The following INVS variants were observed in gnomAD, a reference collection of about 807,000 sequenced individuals.
INVS encodes inversion of embryo turning homolog.
INVS carries 86 observed loss-of-function variants against 108.8 expected under a neutral mutation model. That is an observed-to-expected ratio of 0.79 (90% confidence interval 0.66 to 0.95). The LOEUF (loss-of-function observed/expected upper bound fraction) is 0.95, where lower values mean the gene tolerates loss of function less well. INVS is among the 40% of genes least tolerant of loss of function. The probability of loss-of-function intolerance (pLI) is 0.00; values close to 1 mark genes in which losing one functional copy is unlikely to be tolerated. For missense variants in INVS, 1,169 were observed against 1,297.4 expected, an observed-to-expected ratio of 0.90 and a Z score of 1.52; for synonymous variants, 455 against 473.5, an observed-to-expected ratio of 0.96 and a Z score of 0.51.
chr9:100,145,006 G>T (rs867325859), intron 3 of INVS, among the ~76,000 whole-genome samples: 1 of 152,168 alleles, frequency 6.6e-6, no homozygotes, highest in Admixed American at 6.5e-5. Flanking sequence ...TGGAAAAATC[G>T]AAAGTGCCGT....
intron 3 of INVS, among the ~76,000 whole-genome samples, chr9:100,180,474 A>C (rs958095027): frequency 2.6e-5 from 4 of 152,184 alleles, no homozygotes; most frequent in African/African-American, 9.7e-5. Flanking sequence ...AGAAATACAG[A>C]CTACCATCAG....
At chr9:100,191,315 G>A (rs780089030) in intron 3 of INVS, among the ~76,000 whole-genome samples, 6 of 152,114 alleles carry the variant, frequency 3.9e-5, no homozygotes, top group Non-Finnish European at 7.4e-5. Context: ...GAACACTAGT[G>A]ATTCTTTGGT....
intron 3 of INVS, chr9:100,175,690 G>T (rs1829690083): frequency 1.6e-6 from 1 of 634,052 alleles, no homozygotes; most frequent in East Asian, 3.3e-5. Context: ...TGCCTCCAAG[G>T]ATGCTTGGCG....
At chr9:100,185,571 C>A (rs1351993912) in intron 3 of INVS, among the ~76,000 whole-genome samples, 1 of 122,230 alleles carries the variant, frequency 8.2e-6, no homozygotes, top group Non-Finnish European at 1.7e-5. Context: ...ATTTTAGTAG[C>A]TTTTATAGTG....
chr9:100,122,614 C>T (rs1285767906), intron 2 of INVS, among the ~76,000 whole-genome samples: 2 of 106,474 alleles, frequency 1.9e-5, no homozygotes, highest in Admixed American at 1.5e-4. Flanking sequence ...GACAGAGTCT[C>T]GCTCTGTTGC....
intron 14 of INVS, 104 bp downstream of exon 14, chr9:100,293,147 C>A: frequency 9.6e-7 from 1 of 1,045,166 alleles, no homozygotes; most frequent in Non-Finnish European, 1.5e-6. Flanking sequence ...CATGTGGTGG[C>A]ATGGTAAGGC....
intron 2 of INVS, among the ~76,000 whole-genome samples, chr9:100,106,478 C>T (rs1827186456): frequency 6.6e-6 from 1 of 152,202 alleles, no homozygotes; most frequent in South Asian, 2.1e-4. Context: ...AACTTTCCCT[C>T]ACGACTGCAT....
At chr9:100,236,165 G>A (rs1831681233) in intron 5 of INVS, among the ~76,000 whole-genome samples, 1 of 152,156 alleles carries the variant, frequency 6.6e-6, no homozygotes, top group Non-Finnish European at 1.5e-5. Context: ...TGATACTTGT[G>A]TATGCTTCAC....
intron 3 of INVS, among the ~76,000 whole-genome samples, chr9:100,218,136 A>G (rs1203982841): frequency 6.6e-6 from 1 of 152,198 alleles, no homozygotes. Flanking sequence ...TGTGTGTGCT[A>G]TTATAAATAT....
chr9:100,291,279 G>T (rs1051374128), intron 13 of INVS, among the ~76,000 whole-genome samples: 1 of 151,942 alleles, frequency 6.6e-6, no homozygotes, highest in East Asian at 1.9e-4. Flanking sequence ...GGTCAGGCTG[G>T]TCTCAAACTC....
intron 8 of INVS, among the ~76,000 whole-genome samples, chr9:100,251,176 T>A (rs914678607): frequency 6.6e-6 from 1 of 151,084 alleles, no homozygotes; most frequent in Non-Finnish European, 1.5e-5. Context: ...TTTGTTTTGT[T>A]TTGTTTTTGT....
chr9:100,157,612 G>A (rs1829041646), intron 3 of INVS, among the ~76,000 whole-genome samples: 1 of 152,122 alleles, frequency 6.6e-6, no homozygotes, highest in African/African-American at 2.4e-5. Flanking sequence ...AAAACTCATA[G>A]TTTAAATTAT....
At chr9:100,145,822 A>C (rs924198072) in intron 3 of INVS, among the ~76,000 whole-genome samples, 1 of 152,138 alleles carries the variant, frequency 6.6e-6, no homozygotes, top group African/African-American at 2.4e-5. Flanking sequence ...CACGGATAAA[A>C]CGCGTCTCCT....
At chr9:100,226,810 CAAAAAAAAAAAAAA>C (rs59853701) in intron 4 of INVS, among the ~76,000 whole-genome samples, 98 of 78,808 alleles carry the variant, frequency 1.2e-3, no homozygotes, top group African/African-American at 4.0e-3. Flanking sequence ...GAGACTGTCT[CAAAAAAAAAAAAAA>C]AAAAAAAAAA....
In INVS at chr9:100,235,490, C is replaced by T. The variant is rs757681458; in HGVS notation, c.616-4570C>T. Among the ~76,000 whole-genome samples, 23 of 152,262 alleles carry T rather than the reference C, an allele frequency of 1.5e-4. No individual in the cohort carries two copies. The Middle Eastern group carries it at 0.01, about 68-fold the overall frequency. On this transcript the variant is annotated intron_variant, in intron 5 of 16. Transcript: ENST00000262457. ...GTCTTTATATATTGGTATCTCTTTG[C>T]AGTGGCTGGTACCAGTTTTTCCTTC...
rs761753327 is a variant in INVS, at chr9:100,182,810, C to T, written c.274-43252C>T. On this transcript the variant is annotated intron_variant, in intron 3 of 16. Coordinates refer to ENST00000262457, the MANE Select transcript of INVS (RefSeq NM_014425.5). ...GCCCAAAGGATTATAAATCATTCTA[C>T]GATAAAGACACATGCACACATATGT... Among the ~76,000 whole-genome samples, 6 of 152,124 alleles carry T rather than the reference C, an allele frequency of 3.9e-5. 1 individual carries two copies. The highest frequency in any genetic ancestry group is 4.1e-4 in the South Asian group (2 of 4,830).
chr9:100,230,318 G>A (rs1250675645), intron 5 of INVS, among the ~76,000 whole-genome samples: 2 of 152,046 alleles, frequency 1.3e-5, no homozygotes, highest in South Asian at 2.1e-4. Flanking sequence ...TTTCACAGAG[G>A]CAACAACTGT....
chr9:100,259,071 C>T (rs930673538), intron 10 of INVS, among the ~76,000 whole-genome samples: 4 of 152,172 alleles, frequency 2.6e-5, no homozygotes, highest in Admixed American at 2.0e-4. Flanking sequence ...CCACCCAGTT[C>T]GAGCTTCCTG....
intron 3 of INVS, among the ~76,000 whole-genome samples, chr9:100,151,321 T>G (rs565353947): frequency 6.6e-6 from 1 of 151,902 alleles, no homozygotes; most frequent in African/African-American, 2.4e-5. Context: ...ACAAAAAAAT[T>G]TTTAAAAATT....
Sources: allele counts gnomAD v4.1 joint callset (sites outside exome capture counted in the v4.1 genomes callset), GRCh38; gene constraint gnomAD v4.1.1; transcripts MANE v1.5; gene names NCBI Gene and HGNC (gene_info 2026-07-23, HGNC 2026-07-21).